Variants in LRBA observed in about 807,000 individuals in gnomAD.
The protein encoded by LRBA is LPS responsive beige-like anchor protein.
Under a neutral mutation model 330.0 loss-of-function variants are expected in LRBA, and 176 were observed. The observed-to-expected ratio is 0.53, with a 90% CI of 0.47 to 0.60. The LOEUF (loss-of-function observed/expected upper bound fraction) is 0.60. Among genes scored for constraint, LRBA ranks in the 20% least tolerant of loss-of-function variants. The probability of loss-of-function intolerance (pLI) is 0.00; values close to 1 mark genes in which losing one functional copy is unlikely to be tolerated. For synonymous variants in LRBA, 1,230 were observed against 1,193.0 expected (o/e 1.03, Z -0.64); for missense variants, 3,259 against 3,444.8 (o/e 0.95, Z 1.35).
At chr4:150,826,068 A>T (rs1156285390) in intron 30 of LRBA, among the ~76,000 whole-genome samples, 1 of 152,210 alleles carries the variant, frequency 6.6e-6, no homozygotes, top group African/African-American at 2.4e-5. Context: ...TGGGTACAGG[A>T]TTGTTATAAG....
intron 22 of LRBA, among the ~76,000 whole-genome samples, chr4:150,863,977 G>A (rs1307360714): frequency 6.6e-6 from 1 of 151,960 alleles, no homozygotes; most frequent in Admixed American, 6.6e-5. Context: ...GTCTCGCTCT[G>A]TTGCAGGCTG....
chr4:150,843,748 T>C (rs1350356275), intron 28 of LRBA, among the ~76,000 whole-genome samples: 1 of 152,214 alleles, frequency 6.6e-6, no homozygotes, highest in East Asian at 1.9e-4. Context: ...CTTGGAGATG[T>C]TACTCAAGCT....
intron 9 of LRBA, among the ~76,000 whole-genome samples, chr4:150,909,652 CTT>C (rs1383006542): frequency 6.6e-6 from 1 of 152,122 alleles, no homozygotes; most frequent in Non-Finnish European, 1.5e-5. Context: ...CTGTGATCCT[CTT>C]TTCAATTATT....
intron 35 of LRBA, among the ~76,000 whole-genome samples, chr4:150,745,683 T>C (rs1313181346): frequency 6.6e-6 from 1 of 152,076 alleles, no homozygotes; most frequent in Non-Finnish European, 1.5e-5. Flanking sequence ...GCCCAGCTAA[T>C]TTTTGTATCT....
At chr4:150,919,236 T>C (rs185220728) in intron 5 of LRBA, among the ~76,000 whole-genome samples, 66 of 152,230 alleles carry the variant, frequency 4.3e-4, no homozygotes, top group African/African-American at 1.5e-3. Context: ...CTAATCAGTA[T>C]GGGGTTTCTT....
intron 2 of LRBA, among the ~76,000 whole-genome samples, chr4:150,956,220 T>C (rs1737536325): frequency 6.7e-6 from 1 of 148,664 alleles, no homozygotes; most frequent in Non-Finnish European, 1.5e-5. Context: ...ATAAATGAGA[T>C]TATAAAGACA....
At chr4:150,908,990 T>C (rs1713836013) in intron 9 of LRBA, 133 bp from the exon 10 acceptor site, 3 of 567,434 alleles carry the variant, frequency 5.3e-6, no homozygotes, top group Non-Finnish European at 9.0e-6. Context: ...GGACCCCTCG[T>C]TTACTTCTAA....
intron 18 of LRBA, among the ~76,000 whole-genome samples, chr4:150,872,133 G>C (rs1753513225): frequency 6.6e-6 from 1 of 152,130 alleles, no homozygotes; most frequent in African/African-American, 2.4e-5. Context: ...TTTATTTACA[G>C]GTGGCTAACT....
At chr4:150,425,510 A>G (rs1749461385) in intron 46 of LRBA, among the ~76,000 whole-genome samples, 2 of 152,228 alleles carry the variant, frequency 1.3e-5, no homozygotes, top group Non-Finnish European at 2.9e-5. Context: ...GGATAAGCTC[A>G]TTGCTTTGAT....
At chr4:150,305,167 G>A (rs1011069206) in intron 52 of LRBA, among the ~76,000 whole-genome samples, 2 of 152,110 alleles carry the variant, frequency 1.3e-5, no homozygotes, top group African/African-American at 2.4e-5. Context: ...TGCAGTAGGA[G>A]GCTTGCAAAG....
intron 42 of LRBA, among the ~76,000 whole-genome samples, chr4:150,487,504 A>C (rs1031806798): frequency 1.3e-5 from 2 of 151,646 alleles, no homozygotes; most frequent in Non-Finnish European, 3.0e-5. Flanking sequence ...AATGCAGTTT[A>C]GTCAAAAGAA....
At chr4:150,935,792 G>A (rs966730147) in intron 2 of LRBA, among the ~76,000 whole-genome samples, 14 of 151,860 alleles carry the variant, frequency 9.2e-5, no homozygotes, top group Admixed American at 9.2e-4. Context: ...TATAGGATTA[G>A]AGTGTCATCA....
chr4:150,271,063 G>A lies in LRBA; in HGVS notation c.8469-5251C>T, dbSNP rs151311101. On this transcript the variant is annotated intron_variant, in intron 56 of 56. Coordinates refer to ENST00000651943, the MANE Select transcript of LRBA (RefSeq NM_001364905.1). ...GGGTGCAGCCCACGGAGGGCAAGCC[G>A]AAGCAGGGTGGGGTGTTGCCTCACC... 6.9e-3 allele frequency among the ~76,000 whole-genome samples: 1,050 copies of A among 152,272 alleles called. 11 individuals carry two copies. Among genetic ancestry groups the A allele is most frequent in the African/African-American group, 0.023 (961 of 41,564 alleles).
At chr4:150,429,757 T>A (rs994847483) in intron 46 of LRBA, among the ~76,000 whole-genome samples, 2 of 152,092 alleles carry the variant, frequency 1.3e-5, no homozygotes, top group African/African-American at 4.8e-5. Flanking sequence ...CAGAATTAAT[T>A]TAATTTTGTT....
chr4:150,824,357 T>C (rs919938011), intron 30 of LRBA, among the ~76,000 whole-genome samples: 7 of 152,218 alleles, frequency 4.6e-5, no homozygotes, highest in African/African-American at 1.7e-4. Context: ...TACAAGATCA[T>C]ATCATCTGCA....
At chr4:150,298,679 GT>G (rs1301723380) in intron 53 of LRBA, among the ~76,000 whole-genome samples, 1 of 151,924 alleles carries the variant, frequency 6.6e-6, no homozygotes, top group African/African-American at 2.4e-5. Flanking sequence ...GAAAAGTTAG[GT>G]TTTTTTCTCA....
chr4:150,980,969 T>G (rs1259408026), intron 2 of LRBA, among the ~76,000 whole-genome samples: 2 of 151,748 alleles, frequency 1.3e-5, no homozygotes, highest in African/African-American at 4.8e-5. Context: ...TGAAAAAAAG[T>G]GAAGAGGACA....
At chr4:150,915,323 T>C (rs1732468809) in intron 8 of LRBA, among the ~76,000 whole-genome samples, 1 of 152,088 alleles carries the variant, frequency 6.6e-6, no homozygotes, top group South Asian at 2.1e-4. Flanking sequence ...AACCCTATAG[T>C]GGAGCTCTTG....
At chr4:150,636,778 A>G (rs1468802303) in intron 37 of LRBA, among the ~76,000 whole-genome samples, 1 of 152,102 alleles carries the variant, frequency 6.6e-6, no homozygotes, top group Non-Finnish European at 1.5e-5. Context: ...CTCCCAAGTA[A>G]TTGGCACCAC....
Sources: gnomAD v4.1 joint callset for allele counts (sites outside exome capture counted in the v4.1 genomes callset) on GRCh38, gnomAD v4.1.1 for gene constraint, MANE v1.5 for transcripts, NCBI Gene and HGNC (gene_info 2026-07-23, HGNC 2026-07-21) for gene names.